ABCB8: variants seen among roughly 807,000 people sequenced by gnomAD.
ABCB8 encodes ATP binding cassette subfamily B member 8.
A neutral mutation model predicts 73.0 loss-of-function variants in ABCB8; 52 were observed. The ratio of observed to expected loss-of-function variants is 0.71; its 90% CI spans 0.57 to 0.90. ABCB8 has a LOEUF of 0.90. Among genes scored for constraint, ABCB8 ranks in the 40% least tolerant of loss-of-function variants. ABCB8 has a pLI of 0.00. For synonymous variants in ABCB8, 428 were observed against 423.5 expected (o/e 1.01, Z -0.13); for missense variants, 909 against 974.6 (o/e 0.93, Z 0.90).
chr7:151,035,399 C>T lies in ABCB8; in HGVS notation c.766-182C>T, dbSNP rs191844882. Among the ~76,000 whole-genome samples, 17 of 152,348 alleles carry T rather than the reference C, an allele frequency of 1.1e-4. No homozygotes were observed. The East Asian group carries it at 1.7e-3, about 16-fold the overall frequency. ...TCGGCCCCCTCAGGCCTGCTGCTCG[C>T]ACCCCAACTGGCCGAGTTAGGGTTA... On this transcript the variant is annotated intron_variant, in intron 5 of 15. Transcript: ENST00000358849.
rs202236866 is a variant in ABCB8, at chr7:151,040,860, A to G, written c.1421A>G (p.Lys474Arg). The G allele has an allele frequency of 6.2e-7, 1 of 1,603,714 alleles. No individual in the cohort carries two copies. The highest frequency in any genetic ancestry group is 8.5e-7 in the Non-Finnish European group (1 of 1,175,500). ...TGCCGCCCCGGCTTCGAGGTGCTGA[A>G]AGACTTCACCCTGACGCTGCCCCCT... ...YPCRPGFEVLKDFTLTLPPGK... is the reference protein window; with the variant it reads ...YPCRPGFEVLRDFTLTLPPGK... The change falls in exon 12 of 16, where the codon AAA becomes AGA. Residue 474 changes from lysine to arginine, a missense_variant. Physicochemically the swap from Lys to Arg is conservative, Grantham distance 26. Coordinates refer to ENST00000358849, the MANE Select transcript of ABCB8 (RefSeq NM_007188.5).
At chr7:151,039,099 G>C (rs1194047505) in intron 9 of ABCB8, 2 of 152,252 alleles carry the variant, frequency 1.3e-5, no homozygotes. Flanking sequence ...CCTGGGAACA[G>C]GCCCGTAGCC....
Position 151,036,693 on chromosome 7 carries a change from C to T in ABCB8, c.1217+44C>T, listed in dbSNP as rs1245522536. 9 of 1,501,454 alleles carry T rather than the reference C, an allele frequency of 6.0e-6. No homozygotes were observed. The East Asian group carries it at 1.6e-4, about 26-fold the overall frequency. The allele number at this position is 1,501,454 out of a possible 1,614,324, so 93.0% of individuals were successfully genotyped here. ...CATTGCTACAGAGCCCCCTGCCGCC[C>T]TCCAGAGCCCTGCTGGGTTAGGGGA... is the stretch of plus-strand genomic sequence containing the variant. On this transcript the variant is annotated intron_variant, in intron 9 of 15. Transcript: ENST00000358849.
intron 1 of ABCB8, chr7:151,031,422 A>T (rs1796159455): frequency 7.8e-7 from 1 of 1,284,068 alleles, no homozygotes; most frequent in Non-Finnish European, 1.0e-6. Flanking sequence ...AAAGCAGGGG[A>T]AGGATGAGAT....
At position 151,028,484 on chromosome 7, in the gene ABCB8, A is replaced by C. The variant is rs752248631; in HGVS notation, c.-32A>C. The stretch of plus-strand genomic sequence containing the variant: ...TCAGTGGGATGAGGGTGAAACTGCT[A>C]TTGCCGGCGGCTCCTGTTTTACCGC... On this transcript the variant is annotated 5_prime_UTR_variant, in exon 1 of 16. Coordinates refer to ENST00000358849, the MANE Select transcript of ABCB8 (RefSeq NM_007188.5). The C allele has an allele frequency of 4.4e-5, 70 of 1,598,696 alleles. No homozygotes were observed. The highest frequency in any genetic ancestry group is 5.5e-5 in the Non-Finnish European group (65 of 1,172,954).
intron 1 of ABCB8, chr7:151,033,059 C>T (rs1183696267): frequency 2.2e-6 from 1 of 456,660 alleles, no homozygotes; most frequent in East Asian, 7.0e-5. Flanking sequence ...TTTCATCTGT[C>T]AGGTGAGAAT....
At chr7:151,034,192 GA>G (rs1796240602) in intron 2 of ABCB8, 80 bp from the exon 3 acceptor site, 1 of 1,477,500 alleles carries the variant, frequency 6.8e-7, no homozygotes. Flanking sequence ...AGTGGGAGAG[GA>G]AGGGCCAAGA....
intron 1 of ABCB8, 107 bp from the exon 2 acceptor site, chr7:151,033,498 A>AAG: frequency 6.7e-7 from 1 of 1,481,802 alleles, no homozygotes; most frequent in Non-Finnish European, 9.0e-7. Context: ...GGCCTGACAG[A>AAG]AGAGGAAGTG....
intron 1 of ABCB8, among the ~76,000 whole-genome samples, chr7:151,032,076 C>T (rs1796179324): frequency 6.6e-6 from 1 of 152,174 alleles, no homozygotes; most frequent in Non-Finnish European, 1.5e-5. Context: ...CAGGCTTCAG[C>T]CATACAATTC....
chr7:151,040,678 G>A, intron 11 of ABCB8, 44 bp downstream of exon 11: 1 of 1,602,694 alleles, frequency 6.2e-7, no homozygotes, highest in Non-Finnish European at 8.5e-7. Flanking sequence ...CCTGGGCCGG[G>A]GATGAGGCGA....
rs1193681062 is a variant in ABCB8 at position 151,047,262 on chromosome 7, G to C, written c.*1913G>C. ...CCCCTTGGCTAGTCCAGCTGGAAGA[G>C]CTAGACCGCAGGAGCCGCGCCGTCT... On this transcript the variant is annotated 3_prime_UTR_variant, in exon 16 of 16. Transcript: ENST00000358849. 2 of 146,158 alleles carry C rather than the reference G, an allele frequency of 1.4e-5. No individual in the cohort carries two copies. Among genetic ancestry groups the C allele is most frequent in the African/African-American group, 5.1e-5 (2 of 39,172 alleles). 9.1% of individuals were successfully genotyped at this position (146,158 alleles called of 1,614,324 possible).
Position 151,034,782 on chromosome 7 carries a change from A to G in ABCB8, c.718A>G (p.Thr240Ala), listed in dbSNP as rs760158473. 2 of 1,614,070 alleles carry G rather than the reference A, an allele frequency of 1.2e-6. No individual in the cohort carries two copies. Among genetic ancestry groups the G allele is most frequent in the Admixed American group, 1.7e-5 (1 of 60,016 alleles). Reference sequence around the variant, plus strand: ...AGGGCAGCTGGTGAGCCGCTTGACAACTGACGTGCAGGAGTTTAAGTCATC... The same window carrying G: ...AGGGCAGCTGGTGAGCCGCTTGACAGCTGACGTGCAGGAGTTTAAGTCATC... ...KTGQLVSRLT[T>A]DVQEFKSSFK... Residue 240 changes from threonine (T) to alanine (A), a missense_variant, in exon 5 of 16, where the codon ACT becomes GCT. Thr to Ala is a moderately conservative substitution (Grantham distance 58). Coordinates refer to ENST00000358849, the MANE Select transcript of ABCB8 (RefSeq NM_007188.5).
At chr7:151,029,026 A>G (rs773013938) in intron 1 of ABCB8, 137 of 1,182,796 alleles carry the variant, frequency 1.2e-4, no homozygotes, top group Non-Finnish European at 1.4e-4. Flanking sequence ...AGCAGGGATA[A>G]AGAGCCAATC....
intron 15 of ABCB8, 110 bp downstream of exon 15, chr7:151,044,331 G>A (rs552694892): frequency 4.0e-6 from 6 of 1,501,776 alleles, no homozygotes; most frequent in Non-Finnish European, 5.4e-6. Flanking sequence ...CCAGGGCCTT[G>A]GGGGCTATAT....
At position 151,044,089 on chromosome 7, in the gene ABCB8, G is replaced by A; in HGVS notation, c.1884G>A (p.Glu628=). 3 of 1,613,864 alleles carry A rather than the reference G, an allele frequency of 1.9e-6. No homozygotes were observed. Among genetic ancestry groups the A allele is most frequent in the African/African-American group, 1.3e-5 (1 of 75,050 alleles). The change falls in exon 15 of 16, where the codon GAG becomes GAA. Residue 628 remains glutamate (E), a synonymous_variant. Transcript: ENST00000358849. ...AAGCTACCAGCGCGCTGGATGCAGA[G>A]TCCGAGCGGGTTGTACAGGAGGCCC... The part of the protein sequence containing the change: ...LDEATSALDA[E]SERVVQEALD...
chr7:151,030,615 C>T (rs968845731), intron 1 of ABCB8, among the ~76,000 whole-genome samples: 4 of 151,666 alleles, frequency 2.6e-5, no homozygotes, highest in African/African-American at 4.8e-5. Context: ...GTCAGGAGTT[C>T]AAGACCAGCC....
rs7776772 is a variant in ABCB8, at chr7:151,034,432, C to T, written c.564+4C>T. 6,711 of 1,613,872 alleles carry T rather than the reference C, an allele frequency of 4.2e-3. 107 individuals are homozygous for T. The African/African-American group carries it at 0.055, about 13-fold the overall frequency. On this transcript the variant is annotated splice_donor_region_variant and intron_variant, in intron 3 of 15. Transcript: ENST00000358849. Reference sequence around the variant, plus strand: ...GCTTATCCTCTATGGTGTCCAGGTACAGCCGGGAGTGGGGCTGGGGACCGC... The same window carrying T: ...GCTTATCCTCTATGGTGTCCAGGTATAGCCGGGAGTGGGGCTGGGGACCGC...
intron 11 of ABCB8, 65 bp downstream of exon 11, chr7:151,040,699 G>A: frequency 1.2e-6 from 2 of 1,600,322 alleles, no homozygotes; most frequent in Non-Finnish European, 1.7e-6. Context: ...GTGGATTCGG[G>A]GGTGGAGGTC....
At chr7:151,036,426 C>A in intron 8 of ABCB8, 118 bp from the exon 9 acceptor site, 2 of 1,021,856 alleles carry the variant, frequency 2.0e-6, no homozygotes, top group Non-Finnish European at 3.0e-6. Flanking sequence ...GAGGAGGAAG[C>A]CAACGCTGGG....
Sources: gnomAD v4.1 joint callset for allele counts (sites outside exome capture counted in the v4.1 genomes callset) on GRCh38, gnomAD v4.1.1 for gene constraint, MANE v1.5 for transcripts, NCBI Gene and HGNC (gene_info 2026-07-23, HGNC 2026-07-21) for gene names.